Variants in NT5DC1 observed in about 807,000 individuals in gnomAD.
NT5DC1 encodes the protein 5'-nucleotidase domain containing 1.
A neutral mutation model predicts 59.4 loss-of-function variants in NT5DC1; 42 were observed. That is an observed-to-expected ratio of 0.71 (90% CI 0.55 to 0.92). The LOEUF (loss-of-function observed/expected upper bound fraction) is 0.92, where lower values mean the gene tolerates loss of function less well. Ranked by LOEUF, NT5DC1 falls within the 40% of genes least tolerant of loss-of-function variation. The probability of loss-of-function intolerance (pLI) is 0.00; values close to 1 mark genes in which losing one functional copy is unlikely to be tolerated. For synonymous variants in NT5DC1, 172 were observed against 188.1 expected (o/e 0.91, Z 0.70); for missense variants, 501 against 537.1 (o/e 0.93, Z 0.66).
At position 116,100,870 on chromosome 6, in the gene NT5DC1, C is replaced by G. The variant is rs1342925265; in HGVS notation, c.-61C>G. 2.2e-6 allele frequency: 3 copies of G among 1,334,458 alleles called. No homozygotes were observed. Among genetic ancestry groups the G allele is most frequent in the East Asian group, 2.9e-5 (1 of 34,964 alleles). The allele number at this position is 1,334,458 out of a possible 1,614,324, so 82.7% of individuals were successfully genotyped here. A position where few individuals can be genotyped will look rare whatever the true frequency, so the allele number is the denominator to read the frequency against. On this transcript the variant is annotated 5_prime_UTR_variant, in exon 1 of 12. Transcript: ENST00000319550. ...GGCCCGGTCCTGTCCCGCAGCGTCC[C>G]GCCAGCCAGCTCCTTGCACCCTTCG...
At chr6:116,222,939 C>A in intron 7 of NT5DC1, 95 bp from the exon 8 acceptor site, 1 of 669,104 alleles carries the variant, frequency 1.5e-6, no homozygotes, top group South Asian at 1.8e-5. Flanking sequence ...ATGAATGATG[C>A]TGTGGTAAAA....
intron 6 of NT5DC1, among the ~76,000 whole-genome samples, chr6:116,181,340 G>C (rs972580344): frequency 6.6e-6 from 1 of 151,916 alleles, no homozygotes; most frequent in Admixed American, 6.6e-5. Flanking sequence ...AGCAAATTCA[G>C]AATATATAAA....
At chr6:116,231,090 G>A (rs1192830299) in intron 8 of NT5DC1, among the ~76,000 whole-genome samples, 1 of 109,376 alleles carries the variant, frequency 9.1e-6, no homozygotes, top group African/African-American at 3.5e-5. Flanking sequence ...TGGGCAATAA[G>A]AGCGAAACTC....
chr6:116,238,373 C>G (rs757047531), intron 10 of NT5DC1, 25 bp downstream of exon 10: 1 of 1,499,674 alleles, frequency 6.7e-7, no homozygotes, highest in Admixed American at 2.3e-5. Flanking sequence ...CAGCTCTTTC[C>G]TTGAAAGACA....
rs527712978 is a variant in NT5DC1 at position 116,144,177 on chromosome 6, A to G, written c.529+26232A>G. Among the ~76,000 whole-genome samples the G allele has an allele frequency of 1.6e-4, 24 of 152,270 alleles. No individual in the cohort carries two copies. The South Asian group carries it at 4.8e-3, about 30-fold the overall frequency. On this transcript the variant is annotated intron_variant, in intron 6 of 11. Transcript: ENST00000319550. ...TGGAATCCTTTTTATAACAGACAGT[A>G]TGAAAACAAACATATTCTTCTTACA...
At chr6:116,163,141 A>AAAAAAAAAAT (rs761718922) in intron 6 of NT5DC1, among the ~76,000 whole-genome samples, 1,804 of 88,176 alleles carry the variant, frequency 0.02, 54 homozygotes, top group Non-Finnish European at 0.027. Flanking sequence ...AAAAAAAAAA[A>AAAAAAAAAAT]ATATATATAT....
At chr6:116,208,461 C>T (rs1055791394) in intron 6 of NT5DC1, among the ~76,000 whole-genome samples, 2 of 152,032 alleles carry the variant, frequency 1.3e-5, no homozygotes, top group Non-Finnish European at 2.9e-5. Context: ...CCAGGTTTTA[C>T]CTGGAGGCAT....
chr6:116,120,059 AG>A lies in NT5DC1; in HGVS notation c.529+2115del, dbSNP rs201694987. 0.013 allele frequency: 18,814 copies of A among 1,477,454 alleles called. 146 individuals are homozygous for A. Among genetic ancestry groups the A allele is most frequent in the Non-Finnish European group, 0.014 (15,226 of 1,119,988 alleles). The allele number at this position is 1,477,454 out of a possible 1,614,324, so 91.5% of individuals were successfully genotyped here. ...CTTTTTCTAGCACAAGATTTAGATT[AG>A]CTCTGTGTGTACTCACATTGGAGCC... On this transcript the variant is annotated intron_variant, in intron 6 of 11. Coordinates refer to ENST00000319550, the MANE Select transcript of NT5DC1 (RefSeq NM_152729.3).
intron 6 of NT5DC1, among the ~76,000 whole-genome samples, chr6:116,187,138 A>G (rs926093375): frequency 6.6e-6 from 1 of 151,896 alleles, no homozygotes; most frequent in Admixed American, 6.6e-5. Context: ...TCTCCTCTGA[A>G]TCTAGCCACC....
intron 6 of NT5DC1, among the ~76,000 whole-genome samples, chr6:116,142,603 T>TA (rs1280145620): frequency 1.3e-5 from 2 of 152,124 alleles, no homozygotes; most frequent in African/African-American, 4.8e-5. Flanking sequence ...GTTTTTTCCT[T>TA]AGAGTCAGGA....
At chr6:116,114,938 A>G (rs1778937539) in intron 4 of NT5DC1, among the ~76,000 whole-genome samples, 1 of 152,178 alleles carries the variant, frequency 6.6e-6, no homozygotes, top group East Asian at 1.9e-4. Context: ...AGTTTTGCCA[A>G]GGTGGGATGG....
chr6:116,154,900 T>G (rs1160678868), intron 6 of NT5DC1, among the ~76,000 whole-genome samples: 1 of 152,142 alleles, frequency 6.6e-6, no homozygotes, highest in African/African-American at 2.4e-5. Context: ...TTTTTCTTCA[T>G]AAGATAAAAA....
chr6:116,203,002 C>CTTATT (rs2114512868), intron 6 of NT5DC1, among the ~76,000 whole-genome samples: 1 of 152,042 alleles, frequency 6.6e-6, no homozygotes, highest in South Asian at 2.1e-4. Context: ...TCACTTAATA[C>CTTATT]AAGTGGTTTT....
At chr6:116,163,076 G>A (rs953551252) in intron 6 of NT5DC1, among the ~76,000 whole-genome samples, 14 of 144,248 alleles carry the variant, frequency 9.7e-5, no homozygotes, top group Admixed American at 2.8e-4. Flanking sequence ...GCAGTGAGCC[G>A]AGATCGTGCC....
chr6:116,202,719 A>C (rs1051819481), intron 6 of NT5DC1, among the ~76,000 whole-genome samples: 1 of 152,040 alleles, frequency 6.6e-6, no homozygotes, highest in Admixed American at 6.6e-5. Context: ...TGCAGTGTAC[A>C]GTTTCATAAA....
At chr6:116,177,911 G>A (rs1450077671) in intron 6 of NT5DC1, among the ~76,000 whole-genome samples, 1 of 152,132 alleles carries the variant, frequency 6.6e-6, no homozygotes, top group East Asian at 1.9e-4. Flanking sequence ...ACTTTTGCTA[G>A]AATACATTTA....
At chr6:116,219,522 A>G (rs939141203) in intron 6 of NT5DC1, among the ~76,000 whole-genome samples, 1 of 152,172 alleles carries the variant, frequency 6.6e-6, no homozygotes, top group Non-Finnish European at 1.5e-5. Context: ...TCCTAGCATC[A>G]CAGACCCCCT....
intron 6 of NT5DC1, chr6:116,121,607 C>A: frequency 6.2e-7 from 1 of 1,613,980 alleles, no homozygotes; most frequent in Non-Finnish European, 8.5e-7. Context: ...AGGAAAGCCC[C>A]TGGGTCCTGG....
At chr6:116,216,016 C>T (rs1781681623) in intron 6 of NT5DC1, among the ~76,000 whole-genome samples, 1 of 151,912 alleles carries the variant, frequency 6.6e-6, no homozygotes, top group South Asian at 2.1e-4. Context: ...ACACTTTTTC[C>T]AGGAATCCTC....
Sources: allele counts gnomAD v4.1 joint callset (sites outside exome capture counted in the v4.1 genomes callset), GRCh38; gene constraint gnomAD v4.1.1; transcripts MANE v1.5; gene names NCBI Gene and HGNC (gene_info 2026-07-23, HGNC 2026-07-21).